The following FRMD3 variants were observed in gnomAD, a reference collection of about 807,000 sequenced individuals.
The protein encoded by FRMD3 is FERM domain containing 3.
FRMD3 carries 33 observed loss-of-function variants against 70.2 expected under a neutral mutation model. That is an observed-to-expected ratio of 0.47 (90% CI 0.36 to 0.63). FRMD3 has a LOEUF of 0.63. FRMD3 is among the 20% of genes least tolerant of loss of function. The pLI is 0.00. For synonymous variants in FRMD3, 279 were observed against 255.9 expected (o/e 1.09, Z -0.86); for missense variants, 632 against 711.4 (o/e 0.89, Z 1.27).
At chr9:83,485,671 A>G (rs967263677) in intron 1 of FRMD3, among the ~76,000 whole-genome samples, 3 of 152,192 alleles carry the variant, frequency 2.0e-5, no homozygotes, top group Admixed American at 6.5e-5. Context: ...TGACCCAGAC[A>G]TGACTCAGGT....
intron 1 of FRMD3, among the ~76,000 whole-genome samples, chr9:83,393,960 C>G (rs1206446647): frequency 1.6e-5 from 2 of 125,456 alleles, no homozygotes; most frequent in Admixed American, 8.2e-5. Context: ...TTTTTTTTTA[C>G]AAATATTGGT....
At chr9:83,409,632 T>C (rs764655707) in intron 1 of FRMD3, among the ~76,000 whole-genome samples, 2 of 152,232 alleles carry the variant, frequency 1.3e-5, no homozygotes, top group African/African-American at 4.8e-5. Flanking sequence ...TTAGCACATA[T>C]TATGTGCCAG....
chr9:83,299,730 GCTT>G (rs1365013475), intron 10 of FRMD3, among the ~76,000 whole-genome samples: 1 of 152,214 alleles, frequency 6.6e-6, no homozygotes, highest in Non-Finnish European at 1.5e-5. Flanking sequence ...ATGGTCACTG[GCTT>G]CTGTGTCACC....
chr9:83,502,119 C>T (rs914893932), intron 1 of FRMD3, among the ~76,000 whole-genome samples: 1 of 152,156 alleles, frequency 6.6e-6, no homozygotes, highest in Admixed American at 6.5e-5. Flanking sequence ...CAAGACTGGG[C>T]AGTGCCAATT....
At chr9:83,310,280 C>T (rs980278152) in intron 9 of FRMD3, among the ~76,000 whole-genome samples, 1 of 152,170 alleles carries the variant, frequency 6.6e-6, no homozygotes, top group Non-Finnish European at 1.5e-5. Context: ...GTACAATCAG[C>T]ATTGCTTACT....
intron 1 of FRMD3, among the ~76,000 whole-genome samples, chr9:83,420,180 C>T (rs1280540951): frequency 6.6e-6 from 1 of 152,114 alleles, no homozygotes; most frequent in East Asian, 1.9e-4. Context: ...ACTGCAGAAA[C>T]GGGATTCTAG....
At position 83,267,546 on chromosome 9, in the gene FRMD3, C is replaced by A. The variant is rs1027525100; in HGVS notation, c.1196-19030G>T. Among the ~76,000 whole-genome samples, 11 of 152,064 alleles carry A rather than the reference C, an allele frequency of 7.2e-5. 1 individual carries two copies. The highest frequency in any genetic ancestry group is 7.2e-4 in the Admixed American group (11 of 15,268). On this transcript the variant is annotated intron_variant, in intron 13 of 13. Coordinates refer to ENST00000304195, the MANE Select transcript of FRMD3 (RefSeq NM_174938.6). ...TTCTTCTAAAAATTGCTCCTCCAGC[C>A]TTTATTATATTCTACAGCAGTACTG...
At chr9:83,554,725 G>A in the FRMD3 span, among the ~76,000 whole-genome samples, 20 of 152,324 alleles carry the variant, frequency 1.3e-4, no homozygotes, top group Non-Finnish European at 1.8e-4. Context: ...GGTTGCCTCC[G>A]GAGGCTGTGT....
rs145602419 is a variant in FRMD3 at position 83,440,423 on chromosome 9, G to A, written c.148-50715C>T. ...CCAGTGGATCCCTAATTCTTCTTCT[G>A]TCACTTCTGGGCTCTGGACTGTCCA... On this transcript the variant is annotated intron_variant, in intron 1 of 13. Coordinates refer to ENST00000304195, the MANE Select transcript of FRMD3 (RefSeq NM_174938.6). Among the ~76,000 whole-genome samples, 7 of 152,198 alleles carry A rather than the reference G, an allele frequency of 4.6e-5. No homozygotes were observed. In the East Asian group the frequency reaches 5.8e-4, roughly 13 times the overall value.
chr9:83,284,208 G>A (rs1482466902), intron 13 of FRMD3, among the ~76,000 whole-genome samples: 3 of 151,930 alleles, frequency 2.0e-5, no homozygotes, highest in Non-Finnish European at 4.4e-5. Flanking sequence ...ATTAGAACTG[G>A]GGTTGGTCAT....
Position 83,245,281 on chromosome 9 carries a change from T to C in FRMD3, c.*2637A>G, listed in dbSNP as rs1832038960. 1 of 985,406 alleles carries C rather than the reference T, an allele frequency of 1.0e-6. No individual in the cohort carries two copies. The highest frequency in any genetic ancestry group is 1.1e-4 in the East Asian group (1 of 8,820). 61.0% of individuals were successfully genotyped at this position (985,406 alleles called of 1,614,324 possible). A position where few individuals can be genotyped will look rare whatever the true frequency, so the allele number is the denominator to read the frequency against. On this transcript the variant is annotated 3_prime_UTR_variant, in exon 14 of 14. Transcript: ENST00000304195. Reference sequence around the variant, plus strand: ...AAACTCTATATCTCACTCTATAATATACTGTCCATCTCTGGAAGCAGGCTT... The same window carrying C: ...AAACTCTATATCTCACTCTATAATACACTGTCCATCTCTGGAAGCAGGCTT...
At chr9:83,345,378 C>A (rs192673766) in intron 4 of FRMD3, among the ~76,000 whole-genome samples, 2 of 152,260 alleles carry the variant, frequency 1.3e-5, no homozygotes, top group East Asian at 3.9e-4. Context: ...CACACTTTAA[C>A]GTGCACATGA....
chr9:83,324,147 T>G (rs1337553208), intron 6 of FRMD3, among the ~76,000 whole-genome samples: 1 of 152,200 alleles, frequency 6.6e-6, no homozygotes, highest in Non-Finnish European at 1.5e-5. Context: ...TGTATCACTG[T>G]GGAAGAATCT....
chr9:83,468,174 G>A (rs1179850499), intron 1 of FRMD3, among the ~76,000 whole-genome samples: 2 of 152,082 alleles, frequency 1.3e-5, no homozygotes, highest in Non-Finnish European at 2.9e-5. Flanking sequence ...TAAATTACAG[G>A]TTTTATATTC....
Position 83,248,300 on chromosome 9 carries a change from G to A in FRMD3, c.1412C>T (p.Ser471Phe), listed in dbSNP as rs1188094324. The A allele has an allele frequency of 2.5e-6, 4 of 1,614,022 alleles. No individual in the cohort carries two copies. The South Asian group carries it at 4.4e-5, about 18-fold the overall frequency. ...DEIDMLFDCPSRLELEREDTD... is the reference protein window; with the variant it reads ...DEIDMLFDCPFRLELEREDTD... ...GTCTTCTCTTTCCAACTCAAGCCTA[G>A]AAGGACAGTCAAAGAGCATGTCAAT... The change falls in exon 14 of 14, where the codon TCT becomes TTT. Residue 471 changes from serine (S) to phenylalanine (F), a missense_variant. This residue lies in a region of FRMD3 where 418 missense variants were observed against 442.1 expected (regional missense o/e 0.95). Coordinates refer to ENST00000304195, the MANE Select transcript of FRMD3 (RefSeq NM_174938.6).
chr9:83,510,654 A>G (rs1301269979), intron 1 of FRMD3, among the ~76,000 whole-genome samples: 4 of 152,256 alleles, frequency 2.6e-5, no homozygotes, highest in Admixed American at 6.5e-5. Context: ...TAACTGCGGT[A>G]CGTCCATATA....
intron 2 of FRMD3, among the ~76,000 whole-genome samples, chr9:83,379,645 G>C (rs931106734): frequency 2.6e-5 from 4 of 152,140 alleles, no homozygotes; most frequent in Non-Finnish European, 4.4e-5. Context: ...TACCAGGAAG[G>C]CATCTGCAGC....
At chr9:83,397,298 C>T (rs547163999) in intron 1 of FRMD3, among the ~76,000 whole-genome samples, 1 of 152,262 alleles carries the variant, frequency 6.6e-6, no homozygotes, top group South Asian at 2.1e-4. Context: ...TCCCTGATCA[C>T]TGGAGGTATT....
chr9:83,245,565 A>C lies in FRMD3; in HGVS notation c.*2353T>G. On this transcript the variant is annotated 3_prime_UTR_variant, in exon 14 of 14. Transcript: ENST00000304195. Reference sequence around the variant, plus strand: ...AATAATATATTTATTACTCCTTAAGATAAATCTGCATCGTTGGATTACATG... The same window carrying C: ...AATAATATATTTATTACTCCTTAAGCTAAATCTGCATCGTTGGATTACATG... 1.1e-6 allele frequency: 1 copy of C among 893,236 alleles called. No homozygotes were observed. Among genetic ancestry groups the C allele is most frequent in the Non-Finnish European group, 1.3e-6 (1 of 745,990 alleles). The allele number at this position is 893,236 out of a possible 1,614,324, so 55.3% of individuals were successfully genotyped here.
Sources: allele counts gnomAD v4.1 joint callset (sites outside exome capture counted in the v4.1 genomes callset), GRCh38; gene constraint gnomAD v4.1.1; regional missense constraint gnomAD v4.1.1; transcripts MANE v1.5; gene names NCBI Gene and HGNC (gene_info 2026-07-23, HGNC 2026-07-21).